The following ITGBL1 variants were observed in gnomAD, a reference collection of about 807,000 sequenced individuals.
ITGBL1 encodes the protein integrin beta-like protein 1.
In ITGBL1, 51 loss-of-function variants were observed where a neutral mutation model predicts 68.5. The ratio of observed to expected loss-of-function variants is 0.74; its 90% confidence interval spans 0.59 to 0.94. The LOEUF (loss-of-function observed/expected upper bound fraction) is 0.94, where lower values mean the gene tolerates loss of function less well. Among genes scored for constraint, ITGBL1 ranks in the 40% least tolerant of loss-of-function variants. ITGBL1 has a pLI of 0.00. For synonymous variants in ITGBL1, 209 were observed against 227.3 expected, an observed-to-expected ratio of 0.92 and a Z score of 0.72; for missense variants, 649 against 647.4, an observed-to-expected ratio of 1.00 and a Z score of -0.03.
intron 7 of ITGBL1, among the ~76,000 whole-genome samples, chr13:101,601,323 T>C (rs1018929104): frequency 4.6e-5 from 7 of 152,278 alleles, no homozygotes; most frequent in African/African-American, 1.7e-4. Context: ...GATTCTTCTC[T>C]CTTTTCTTCT....
chr13:101,625,684 C>T (rs1299463867), intron 7 of ITGBL1, among the ~76,000 whole-genome samples: 1 of 152,024 alleles, frequency 6.6e-6, no homozygotes, highest in Non-Finnish European at 1.5e-5. Flanking sequence ...TCCTGAGTAG[C>T]TGGGAATACA....
At chr13:101,582,047 T>G (rs1165910181) in intron 5 of ITGBL1, among the ~76,000 whole-genome samples, 1 of 152,242 alleles carries the variant, frequency 6.6e-6, no homozygotes, top group African/African-American at 2.4e-5. Flanking sequence ...GTGATAAACA[T>G]TTTTCATCTT....
intron 2 of ITGBL1, among the ~76,000 whole-genome samples, chr13:101,487,042 G>T (rs72657131): frequency 2.6e-5 from 4 of 152,116 alleles, no homozygotes; most frequent in Non-Finnish European, 5.9e-5. Flanking sequence ...CATAAACCTT[G>T]GATTTGTTTT....
chr13:101,619,175 A>G (rs1173940140), intron 7 of ITGBL1, among the ~76,000 whole-genome samples: 2 of 152,166 alleles, frequency 1.3e-5, no homozygotes, highest in Non-Finnish European at 2.9e-5. Flanking sequence ...ACAGCACAAC[A>G]GGACAAAATA....
At chr13:101,476,691 A>G (rs899391091) in intron 2 of ITGBL1, among the ~76,000 whole-genome samples, 1 of 152,186 alleles carries the variant, frequency 6.6e-6, no homozygotes, top group African/African-American at 2.4e-5. Context: ...AAAGAAGAGC[A>G]GGAATAGCTA....
At chr13:101,616,726 A>G (rs2031377361) in intron 7 of ITGBL1, among the ~76,000 whole-genome samples, 1 of 152,116 alleles carries the variant, frequency 6.6e-6, no homozygotes, top group Non-Finnish European at 1.5e-5. Context: ...CCTGACTTCA[A>G]GCGATCTACC....
intron 2 of ITGBL1, among the ~76,000 whole-genome samples, chr13:101,464,435 T>G (rs969207067): frequency 5.3e-5 from 8 of 152,092 alleles, no homozygotes; most frequent in African/African-American, 1.9e-4. Flanking sequence ...CACAGACATA[T>G]ATGCATGTGT....
At chr13:101,458,351 A>G (rs2048272671) in intron 2 of ITGBL1, among the ~76,000 whole-genome samples, 1 of 152,260 alleles carries the variant, frequency 6.6e-6, no homozygotes, top group African/African-American at 2.4e-5. Flanking sequence ...GCAAAAGTGT[A>G]GAAGCAGAAA....
At chr13:101,644,798 G>C (rs1040513776) in intron 7 of ITGBL1, among the ~76,000 whole-genome samples, 1 of 151,988 alleles carries the variant, frequency 6.6e-6, no homozygotes, top group Non-Finnish European at 1.5e-5. Flanking sequence ...ACAAATAAAG[G>C]AATAAATTAG....
At chr13:101,557,362 T>G (rs1414030659) in intron 2 of ITGBL1, among the ~76,000 whole-genome samples, 1 of 152,218 alleles carries the variant, frequency 6.6e-6, no homozygotes, top group Non-Finnish European at 1.5e-5. Flanking sequence ...TACATACATA[T>G]GTGAATACAT....
intron 2 of ITGBL1, among the ~76,000 whole-genome samples, chr13:101,520,306 A>G (rs895175680): frequency 6.6e-6 from 1 of 152,208 alleles, no homozygotes; most frequent in Non-Finnish European, 1.5e-5. Context: ...AAAACTCCAG[A>G]TGAAATTATT....
chr13:101,651,437 T>C (rs1316044159), intron 7 of ITGBL1, among the ~76,000 whole-genome samples: 1 of 152,238 alleles, frequency 6.6e-6, no homozygotes, highest in South Asian at 2.1e-4. Flanking sequence ...TTGACCTTTT[T>C]TCGTATATTT....
At chr13:101,453,365 T>TC (rs1165680432) in intron 1 of ITGBL1, among the ~76,000 whole-genome samples, 2 of 152,142 alleles carry the variant, frequency 1.3e-5, no homozygotes, top group East Asian at 3.9e-4. Flanking sequence ...AAAGTAGAGT[T>TC]CCTAAAGACT....
At position 101,667,341 on chromosome 13, in the gene ITGBL1, G is replaced by C. The variant is rs184408732; in HGVS notation, c.1016-25244G>C. 2.7e-4 allele frequency among the ~76,000 whole-genome samples: 41 copies of C among 152,120 alleles called. 1 individual carries two copies. The highest frequency in any genetic ancestry group is 2.2e-3 in the Admixed American group (33 of 15,276). On this transcript the variant is annotated intron_variant, in intron 7 of 10. Coordinates refer to ENST00000376180, the MANE Select transcript of ITGBL1 (RefSeq NM_004791.3). ...TTTGAATATACTGACGTTTTTGCTT[G>C]CATTGGAAGAGAAACTCTCTGCTGC... is the stretch of plus-strand genomic sequence containing the variant.
intron 7 of ITGBL1, among the ~76,000 whole-genome samples, chr13:101,655,356 T>C (rs777450897): frequency 1.3e-5 from 2 of 151,954 alleles, no homozygotes; most frequent in Non-Finnish European, 2.9e-5. Context: ...CATTTAAATG[T>C]ACTGAAACGC....
chr13:101,615,629 T>G (rs2031318699), intron 7 of ITGBL1, among the ~76,000 whole-genome samples: 1 of 151,878 alleles, frequency 6.6e-6, no homozygotes, highest in Admixed American at 6.6e-5. Flanking sequence ...AATGGTGCTC[T>G]TACAAAAGAG....
chr13:101,476,438 AAAC>A (rs1216009408), intron 2 of ITGBL1, among the ~76,000 whole-genome samples: 3 of 152,106 alleles, frequency 2.0e-5, no homozygotes, highest in African/African-American at 7.2e-5. Context: ...AAAGATGACA[AAAC>A]AACCAGAAAA....
In ITGBL1 at chr13:101,600,063, C is replaced by G. The variant is rs191974310; in HGVS notation, c.1015+1764C>G. On this transcript the variant is annotated intron_variant, in intron 7 of 10. Transcript: ENST00000376180. ...TTTTCACGATATTGATTCTTCCTAT[C>G]CATGAGCATGGAATGTTCTTTCATT... is the stretch of plus-strand genomic sequence containing the variant. Among the ~76,000 whole-genome samples the G allele has an allele frequency of 7.2e-5, 11 of 152,304 alleles. No individual in the cohort carries two copies. The East Asian group carries it at 1.9e-3, about 27-fold the overall frequency.
chr13:101,597,746 GT>G (rs768374348), intron 6 of ITGBL1, among the ~76,000 whole-genome samples: 1 of 151,982 alleles, frequency 6.6e-6, no homozygotes, highest in South Asian at 2.1e-4. Flanking sequence ...AGAGACCGGG[GT>G]TTCACCATGT....
Sources: gnomAD v4.1 joint callset for allele counts (sites outside exome capture counted in the v4.1 genomes callset) on GRCh38, gnomAD v4.1.1 for gene constraint, MANE v1.5 for transcripts, NCBI Gene and HGNC (gene_info 2026-07-23, HGNC 2026-07-21) for gene names.